MAD1L1: variants seen among roughly 807,000 people sequenced by gnomAD.
MAD1L1 encodes mitotic arrest deficient 1 like 1.
A neutral mutation model predicts 96.9 loss-of-function variants in MAD1L1; 95 were observed. The observed-to-expected ratio is 0.98, with a 90% CI of 0.83 to 1.16. The LOEUF (loss-of-function observed/expected upper bound fraction) is 1.16. Ranked by LOEUF, MAD1L1 falls within the 50% of genes most tolerant of loss-of-function variation. The pLI, the probability that MAD1L1 is intolerant of heterozygous loss-of-function variation, is 0.00. For missense variants in MAD1L1, 1,007 were observed against 954.4 expected, an observed-to-expected ratio of 1.06 and a Z score of -0.73; for synonymous variants, 473 against 396.6, an observed-to-expected ratio of 1.19 and a Z score of -2.29.
At position 2,077,089 on chromosome 7, in the gene MAD1L1, G is replaced by C. The variant is rs1046661242; in HGVS notation, c.1074-7751C>G. On this transcript the variant is annotated intron_variant, in intron 11 of 18. Transcript: ENST00000265854. ...TGAGCCCAAGACAGAGTTACGACTT[G>C]GTGAGCCCGCGGCATGGTGAGCCCG... is the stretch of plus-strand genomic sequence containing the variant. 5.9e-5 allele frequency among the ~76,000 whole-genome samples: 8 copies of C among 135,454 alleles called. No homozygotes were observed. In the South Asian group the frequency reaches 1.3e-3, roughly 23 times the overall value. The allele number at this position is 135,454 out of a possible 152,430, so 88.9% of individuals were successfully genotyped here.
intron 14 of MAD1L1, among the ~76,000 whole-genome samples, chr7:1,983,706 C>T (rs1781028469): frequency 6.6e-6 from 1 of 152,256 alleles, no homozygotes; most frequent in Non-Finnish European, 1.5e-5. Flanking sequence ...TATCCACCGT[C>T]CAGATCAGGA....
At chr7:1,858,276 G>GT (rs1422572582) in intron 18 of MAD1L1, among the ~76,000 whole-genome samples, 7 of 152,234 alleles carry the variant, frequency 4.6e-5, no homozygotes, top group Admixed American at 6.5e-5. Context: ...TGGGATCTGA[G>GT]TGGGGACATG....
At chr7:2,000,798 G>A (rs1781759033) in intron 14 of MAD1L1, among the ~76,000 whole-genome samples, 1 of 152,256 alleles carries the variant, frequency 6.6e-6, no homozygotes, top group Non-Finnish European at 1.5e-5. Flanking sequence ...GCTCAGGACA[G>A]CTGTTGCCAG....
intron 18 of MAD1L1, among the ~76,000 whole-genome samples, chr7:1,831,322 CA>C (rs1417695519): frequency 1.3e-5 from 2 of 152,156 alleles, no homozygotes; most frequent in Non-Finnish European, 2.9e-5. Flanking sequence ...GCTCCACAAA[CA>C]GTGCCCATAA....
chr7:1,829,679 A>G (rs892124251), intron 18 of MAD1L1: 2 of 151,816 alleles, frequency 1.3e-5, no homozygotes, highest in Non-Finnish European at 2.9e-5. Context: ...GGAAAAGTGT[A>G]AACTGAGAGA....
chr7:1,947,330 C>G (rs1353676889), intron 16 of MAD1L1, among the ~76,000 whole-genome samples: 1 of 152,212 alleles, frequency 6.6e-6, no homozygotes, highest in Non-Finnish European at 1.5e-5. Flanking sequence ...GACGCGCATG[C>G]CGAGAGCAGA....
intron 10 of MAD1L1, among the ~76,000 whole-genome samples, chr7:2,209,467 G>A (rs551269570): frequency 6.0e-4 from 92 of 152,310 alleles, no homozygotes; most frequent in African/African-American, 2.1e-3. Context: ...CAGAAACAAG[G>A]CAGGCATGGG....
intron 17 of MAD1L1, among the ~76,000 whole-genome samples, chr7:1,899,545 A>G (rs1446808887): frequency 6.6e-6 from 1 of 152,226 alleles, no homozygotes; most frequent in African/African-American, 2.4e-5. Context: ...AGGCTGAGAA[A>G]GAGGATGTTA....
At chr7:2,097,042 C>T (rs912553727) in intron 11 of MAD1L1, among the ~76,000 whole-genome samples, 25 of 152,172 alleles carry the variant, frequency 1.6e-4, no homozygotes, top group African/African-American at 6.0e-4. Flanking sequence ...ATGATAAACG[C>T]ACCACGGGTA....
intron 18 of MAD1L1, among the ~76,000 whole-genome samples, chr7:1,862,840 G>A (rs764216727): frequency 4.5e-4 from 69 of 152,224 alleles, no homozygotes; most frequent in Non-Finnish European, 8.1e-4. Flanking sequence ...ACAATTCACC[G>A]AAACCCTCAT....
intron 18 of MAD1L1, among the ~76,000 whole-genome samples, chr7:1,831,220 C>T (rs562834631): frequency 5.3e-5 from 8 of 152,276 alleles, no homozygotes; most frequent in African/African-American, 1.7e-4. Context: ...ATGTCTGTGT[C>T]GTATATATTT....
rs191620824 is a variant in MAD1L1 at position 1,837,140 on chromosome 7, A to C, written c.1999-20912T>G. Among the ~76,000 whole-genome samples, 836 of 152,340 alleles carry C rather than the reference A, an allele frequency of 5.5e-3. 9 individuals carry two copies. The highest frequency in any genetic ancestry group is 0.019 in the African/African-American group (793 of 41,586). On this transcript the variant is annotated intron_variant, in intron 18 of 18. Transcript: ENST00000265854. ...CATTAAGGAAACATAGAACCCCATA[A>C]ATAATTAGCAGAAGATGTGAACAGG...
intron 10 of MAD1L1, among the ~76,000 whole-genome samples, chr7:2,154,230 C>T (rs1459131535): frequency 6.6e-6 from 1 of 152,182 alleles, no homozygotes; most frequent in Non-Finnish European, 1.5e-5. Context: ...TCAGGTGAAA[C>T]CACCAGGAAC....
chr7:2,004,273 A>C (rs1007791054), intron 13 of MAD1L1, among the ~76,000 whole-genome samples: 2 of 152,136 alleles, frequency 1.3e-5, no homozygotes, highest in Admixed American at 1.3e-4. Flanking sequence ...CAAAGCTCTG[A>C]GCTGGCCTGG....
intron 16 of MAD1L1, among the ~76,000 whole-genome samples, chr7:1,942,650 G>C (rs149301007): frequency 3.9e-4 from 59 of 152,288 alleles, no homozygotes; most frequent in Non-Finnish European, 7.5e-4. Flanking sequence ...GCGGGATCTA[G>C]GTGATTAGGA....
intron 10 of MAD1L1, among the ~76,000 whole-genome samples, chr7:2,197,526 T>C (rs547980056): frequency 4.1e-4 from 63 of 152,232 alleles, no homozygotes; most frequent in South Asian, 1.4e-3. Context: ...CGACGTGCAC[T>C]GCACAGCCAC....
intron 12 of MAD1L1, among the ~76,000 whole-genome samples, chr7:2,051,698 C>T (rs1304564866): frequency 7.1e-6 from 1 of 141,248 alleles, no homozygotes; most frequent in African/African-American, 2.7e-5. Flanking sequence ...CCTACCTCCC[C>T]CAACCCCCCA....
At chr7:1,916,088 A>AT (rs144471192) in intron 17 of MAD1L1, among the ~76,000 whole-genome samples, 5,163 of 152,274 alleles carry the variant, frequency 0.034, 195 homozygotes, top group Admixed American at 0.099. Flanking sequence ...AAGTGCAGGC[A>AT]TCCCCACACA....
chr7:1,879,068 A>G (rs2128662550), intron 18 of MAD1L1, among the ~76,000 whole-genome samples: 1 of 152,386 alleles, frequency 6.6e-6, no homozygotes, highest in African/African-American at 2.4e-5. Context: ...TTTTAAAAAT[A>G]CACATAACCT....
Sources: allele counts gnomAD v4.1 joint callset (sites outside exome capture counted in the v4.1 genomes callset), GRCh38; gene constraint gnomAD v4.1.1; transcripts MANE v1.5; gene names NCBI Gene and HGNC (gene_info 2026-07-23, HGNC 2026-07-21).